The following RPS6KA2 variants were observed in gnomAD, a reference collection of about 807,000 sequenced individuals.
RPS6KA2 encodes the protein ribosomal protein S6 kinase A2, also known as ribosomal protein S6 kinase alpha-2.
A neutral mutation model predicts 91.8 loss-of-function variants in RPS6KA2; 42 were observed. The observed-to-expected ratio is 0.46, with a 90% CI of 0.36 to 0.59. RPS6KA2 has a LOEUF of 0.59. RPS6KA2 is among the 20% of genes least tolerant of loss of function. RPS6KA2 has a pLI of 0.00. For missense variants in RPS6KA2, 798 were observed against 978.5 expected (o/e 0.82, Z 2.46); for synonymous variants, 414 against 393.6 (o/e 1.05, Z -0.61).
At chr6:166,536,289 T>C (rs570481095) in intron 2 of RPS6KA2, among the ~76,000 whole-genome samples, 1 of 152,338 alleles carries the variant, frequency 6.6e-6, no homozygotes, top group East Asian at 1.9e-4. Context: ...GAACAGGTGC[T>C]TTCTGCAGAA....
intron 2 of RPS6KA2, among the ~76,000 whole-genome samples, chr6:166,832,701 T>C (rs573281462): frequency 6.6e-6 from 1 of 152,356 alleles, no homozygotes; most frequent in Admixed American, 6.5e-5. Context: ...GATTTATTAC[T>C]AAATGTTTAC....
At chr6:166,430,040 C>T (rs138668405) in intron 16 of RPS6KA2, among the ~76,000 whole-genome samples, 4,551 of 151,882 alleles carry the variant, frequency 0.03, 224 homozygotes, top group African/African-American at 0.1. Context: ...TCACTGCAAC[C>T]TCCGCCTCCT....
At chr6:166,837,480 C>T (rs376222745) in intron 2 of RPS6KA2, among the ~76,000 whole-genome samples, 1 of 152,194 alleles carries the variant, frequency 6.6e-6, no homozygotes, top group Non-Finnish European at 1.5e-5. Flanking sequence ...AGGGAAAAGG[C>T]GACCGCAGGG....
In RPS6KA2 at chr6:166,571,150, C is replaced by T. The variant is rs149777336; in HGVS notation, c.100-32366G>A. On this transcript the variant is annotated intron_variant, in intron 1 of 20. Coordinates refer to ENST00000265678, the MANE Select transcript of RPS6KA2 (RefSeq NM_021135.6). ...CGCATGCCCAGCAGGCCTGGGAGACCGAAGCACTCCACACAGGAAACAGTA... is the reference window on the plus strand; with the variant it reads ...CGCATGCCCAGCAGGCCTGGGAGACTGAAGCACTCCACACAGGAAACAGTA... Among the ~76,000 whole-genome samples the T allele has an allele frequency of 2.1e-3, 326 of 152,268 alleles. 2 individuals carry two copies. The highest frequency in any genetic ancestry group is 7.6e-3 in the African/African-American group (314 of 41,550).
At chr6:166,768,125 T>G (rs673930) in intron 2 of RPS6KA2, among the ~76,000 whole-genome samples, 3,129 of 152,182 alleles carry the variant, frequency 0.021, 98 homozygotes, top group African/African-American at 0.072. Flanking sequence ...TGTGTTCACT[T>G]CAAAGCCATA....
intron 3 of RPS6KA2, among the ~76,000 whole-genome samples, chr6:166,518,442 T>C (rs1380469804): frequency 2.0e-5 from 3 of 150,024 alleles, no homozygotes; most frequent in African/African-American, 7.4e-5. Context: ...AACAAAAAAA[T>C]ATGATTATCT....
intron 2 of RPS6KA2, among the ~76,000 whole-genome samples, chr6:166,855,501 G>GGAAGAAGAAGAGGAA (rs1562473357): frequency 5.0e-5 from 7 of 139,774 alleles, no homozygotes; most frequent in South Asian, 2.3e-4. Context: ...AAGAAGAAGA[G>GGAAGAAGAAGAGGAA]GAAGAAGAAG....
At chr6:166,515,880 A>G (rs1348579103) in intron 3 of RPS6KA2, among the ~76,000 whole-genome samples, 2 of 152,208 alleles carry the variant, frequency 1.3e-5, no homozygotes, top group Non-Finnish European at 2.9e-5. Flanking sequence ...GAGGCTAGTC[A>G]GAAACTCAGA....
intron 12 of RPS6KA2, among the ~76,000 whole-genome samples, chr6:166,455,609 C>T (rs1412762720): frequency 6.6e-6 from 1 of 152,206 alleles, no homozygotes; most frequent in African/African-American, 2.4e-5. Flanking sequence ...GTTAAAAAAC[C>T]GAAGGTACCC....
chr6:166,669,686 C>T (rs1446330156), intron 2 of RPS6KA2, among the ~76,000 whole-genome samples: 2 of 152,202 alleles, frequency 1.3e-5, no homozygotes, highest in Non-Finnish European at 2.9e-5. Flanking sequence ...CCCCTGCCAG[C>T]TCACTCTCCA....
intron 1 of RPS6KA2, among the ~76,000 whole-genome samples, chr6:166,545,542 C>A (rs1783799012): frequency 6.6e-6 from 1 of 152,208 alleles, no homozygotes. Flanking sequence ...GGAGAAGCAG[C>A]AAAACCAGCC....
chr6:166,790,287 A>T (rs928987773), intron 2 of RPS6KA2, among the ~76,000 whole-genome samples: 1 of 152,206 alleles, frequency 6.6e-6, no homozygotes, highest in Non-Finnish European at 1.5e-5. Flanking sequence ...AATGAATGAA[A>T]TGAAGTGAGA....
chr6:166,829,300 A>T (rs908297557), intron 2 of RPS6KA2, among the ~76,000 whole-genome samples: 11 of 152,210 alleles, frequency 7.2e-5, no homozygotes, highest in Non-Finnish European at 1.3e-4. Flanking sequence ...ACATTTAAAA[A>T]TGAATTATCG....
chr6:166,807,911 C>T (rs528690549), intron 2 of RPS6KA2, among the ~76,000 whole-genome samples: 1 of 152,276 alleles, frequency 6.6e-6, no homozygotes, highest in African/African-American at 2.4e-5. Context: ...TCATCTCCTT[C>T]TAAGGTTCCA....
intron 15 of RPS6KA2, 146 bp from the exon 16 acceptor site, chr6:166,430,757 G>T (rs973086069): frequency 8.1e-6 from 6 of 744,934 alleles, no homozygotes; most frequent in Middle Eastern, 2.5e-4. Context: ...CTTCTGCAGG[G>T]TAGAAGCAAA....
At chr6:166,754,076 T>A (rs1009979601) in intron 2 of RPS6KA2, among the ~76,000 whole-genome samples, 1 of 152,230 alleles carries the variant, frequency 6.6e-6, no homozygotes, top group Non-Finnish European at 1.5e-5. Flanking sequence ...CCGAGGTGCA[T>A]GCAGTGATGA....
At chr6:166,663,805 C>T (rs1471832976) in intron 2 of RPS6KA2, among the ~76,000 whole-genome samples, 1 of 152,138 alleles carries the variant, frequency 6.6e-6, no homozygotes, top group African/African-American at 2.4e-5. Flanking sequence ...GCGCTGCACC[C>T]ACCTGGAGCT....
At position 166,850,330 on chromosome 6, in the gene RPS6KA2, T is replaced by TA. The variant is rs11307248; in HGVS notation, c.123+7869dup. 8.7e-3 allele frequency among the ~76,000 whole-genome samples: 1,313 copies of TA among 150,082 alleles called. 10 individuals are homozygous for TA. Among genetic ancestry groups the TA allele is most frequent in the Middle Eastern group, 0.027 (8 of 294 alleles). On this transcript the variant is annotated intron_variant, in intron 2 of 21. Transcript: ENST00000503859. ...ATCTATGGGAGAAAATCCACTCAAT[T>TA]AAAAAAAAAACCTATATATGTATAT...
chr6:166,773,652 G>A (rs1050064030), intron 2 of RPS6KA2, among the ~76,000 whole-genome samples: 4 of 152,118 alleles, frequency 2.6e-5, no homozygotes, highest in African/African-American at 9.7e-5. Flanking sequence ...TGCCTGCTTT[G>A]GCCTCCCGAA....
Sources: allele counts gnomAD v4.1 joint callset (sites outside exome capture counted in the v4.1 genomes callset), GRCh38; gene constraint gnomAD v4.1.1; transcripts MANE v1.5; gene names NCBI Gene and HGNC (gene_info 2026-07-23, HGNC 2026-07-21).